MAD1L1: variants seen among roughly 807,000 people sequenced by gnomAD.
MAD1L1 encodes mitotic spindle assembly checkpoint protein MAD1.
In MAD1L1, 95 loss-of-function variants were observed where a neutral mutation model predicts 96.9. The observed-to-expected ratio is 0.98, with a 90% CI of 0.83 to 1.16. The LOEUF (loss-of-function observed/expected upper bound fraction) is 1.16, where lower values mean the gene tolerates loss of function less well. MAD1L1 is among the 50% of genes most tolerant of loss of function. MAD1L1 has a pLI of 0.00. For missense variants in MAD1L1, 1,007 were observed against 954.4 expected (o/e 1.06, Z -0.73); for synonymous variants, 473 against 396.6 (o/e 1.19, Z -2.29).
chr7:1,933,560 T>G (rs989371453), intron 17 of MAD1L1, among the ~76,000 whole-genome samples: 2 of 152,204 alleles, frequency 1.3e-5, no homozygotes, highest in Non-Finnish European at 2.9e-5. Context: ...GCGTGGTCTG[T>G]AGGGCTGCCT....
At chr7:2,095,595 A>C (rs982418413) in intron 11 of MAD1L1, among the ~76,000 whole-genome samples, 2 of 152,182 alleles carry the variant, frequency 1.3e-5, no homozygotes, top group African/African-American at 4.8e-5. Flanking sequence ...CTGTTGCTAA[A>C]CAGAAAACGC....
intron 12 of MAD1L1, among the ~76,000 whole-genome samples, chr7:2,031,094 T>A (rs529121701): frequency 6.6e-6 from 1 of 152,328 alleles, no homozygotes; most frequent in East Asian, 1.9e-4. Flanking sequence ...AGCAGCCAGC[T>A]GTGCATTCTC....
chr7:2,188,380 C>T (rs780342957), intron 10 of MAD1L1, among the ~76,000 whole-genome samples: 10 of 152,180 alleles, frequency 6.6e-5, no homozygotes, highest in Non-Finnish European at 1.0e-4. Flanking sequence ...AAAGGTCCCT[C>T]GCCAAAGCAA....
intron 11 of MAD1L1, among the ~76,000 whole-genome samples, chr7:2,075,956 T>C (rs545574643): frequency 9.2e-5 from 14 of 152,152 alleles, no homozygotes; most frequent in Non-Finnish European, 1.9e-4. Context: ...ACCATGGGGC[T>C]CTGGAGCACA....
intron 18 of MAD1L1, among the ~76,000 whole-genome samples, chr7:1,875,076 C>A (rs1311824812): frequency 6.6e-6 from 1 of 152,140 alleles, no homozygotes; most frequent in Non-Finnish European, 1.5e-5. Flanking sequence ...GGGACCCAGG[C>A]CCAGTCCCAA....
chr7:1,878,248 G>A (rs896487419), intron 18 of MAD1L1, among the ~76,000 whole-genome samples: 2 of 151,702 alleles, frequency 1.3e-5, no homozygotes, highest in Non-Finnish European at 2.9e-5. Context: ...GATATTTAGG[G>A]AAGAAATATC....
intron 11 of MAD1L1, among the ~76,000 whole-genome samples, chr7:2,082,951 T>C (rs1785727275): frequency 6.6e-6 from 1 of 152,220 alleles, no homozygotes; most frequent in African/African-American, 2.4e-5. Context: ...CCGTTAGGTG[T>C]GGCACCTTCA....
chr7:2,182,330 A>G (rs1172252101), intron 10 of MAD1L1, among the ~76,000 whole-genome samples: 3 of 152,146 alleles, frequency 2.0e-5, no homozygotes. Flanking sequence ...AACCATAAGA[A>G]AAAAGACATC....
intron 17 of MAD1L1, among the ~76,000 whole-genome samples, chr7:1,912,622 G>C (rs1788093634): frequency 6.6e-6 from 1 of 152,110 alleles, no homozygotes; most frequent in Non-Finnish European, 1.5e-5. Context: ...ACGGTCCTCA[G>C]AGCACTCCCC....
At chr7:2,200,803 C>A (rs998208823) in intron 10 of MAD1L1, among the ~76,000 whole-genome samples, 1 of 152,224 alleles carries the variant, frequency 6.6e-6, no homozygotes, top group Admixed American at 6.5e-5. Context: ...GTCCACCCTT[C>A]GGCCCAGCCT....
chr7:2,079,155 A>G (rs1785515562), intron 11 of MAD1L1, among the ~76,000 whole-genome samples: 1 of 152,176 alleles, frequency 6.6e-6, no homozygotes, highest in African/African-American at 2.4e-5. Flanking sequence ...GGGCAGCCGC[A>G]CTCAGTGGCA....
intron 16 of MAD1L1, 87 bp downstream of exon 16, chr7:1,957,542 G>C (rs1779777815): frequency 7.7e-7 from 1 of 1,302,958 alleles, no homozygotes; most frequent in Non-Finnish European, 1.1e-6. Flanking sequence ...CGGGTGTTCT[G>C]TGGCAGCAGG....
In MAD1L1 at chr7:2,119,989, C is replaced by A. The variant is rs1436881828; in HGVS notation, c.1073+29163G>T. Among the ~76,000 whole-genome samples, 1 of 152,232 alleles carries A rather than the reference C, an allele frequency of 6.6e-6. No individual in the cohort carries two copies. The highest frequency in any genetic ancestry group is 6.5e-5 in the Admixed American group (1 of 15,292). On this transcript the variant is annotated intron_variant, in intron 11 of 18. Transcript: ENST00000265854. The surrounding 1 kb of genome is among the most constrained non-coding windows in gnomAD (Gnocchi z 4.6). ...GCCCAAGGCATCCCTAGCAATGCCC[C>A]AGGTGGAGGAGCCCCAGTTCATGCT...
At chr7:2,049,220 G>C (rs1317141224) in intron 12 of MAD1L1, among the ~76,000 whole-genome samples, 2 of 152,218 alleles carry the variant, frequency 1.3e-5, no homozygotes, top group African/African-American at 4.8e-5. Flanking sequence ...AGGCACAAGT[G>C]AGAGAGTGAC....
intron 11 of MAD1L1, among the ~76,000 whole-genome samples, chr7:2,111,371 C>G (rs1329010013): frequency 6.6e-6 from 1 of 152,248 alleles, no homozygotes; most frequent in African/African-American, 2.4e-5. Context: ...GCTTTCGAGA[C>G]CGTGGCTGCT....
At chr7:1,922,427 AT>A (rs925156688) in intron 17 of MAD1L1, among the ~76,000 whole-genome samples, 1 of 152,226 alleles carries the variant, frequency 6.6e-6, no homozygotes, top group Admixed American at 6.5e-5. Context: ...GTGCACTGCT[AT>A]TGTGTAATAT....
At chr7:1,902,646 T>C (rs563351270) in intron 17 of MAD1L1, among the ~76,000 whole-genome samples, 1 of 150,440 alleles carries the variant, frequency 6.6e-6, no homozygotes, top group South Asian at 2.1e-4. Flanking sequence ...CAGAACCAGG[T>C]CGGCCGGGCT....
intron 17 of MAD1L1, among the ~76,000 whole-genome samples, chr7:1,900,419 G>A (rs1046534746): frequency 1.9e-4 from 29 of 152,164 alleles, no homozygotes; most frequent in African/African-American, 5.3e-4. Flanking sequence ...TTCAGCCCTC[G>A]CCCCAACCTG....
chr7:2,225,553 G>GAA lies in MAD1L1; in HGVS notation c.151-4_151-3insTT, dbSNP rs1392088486. 6.2e-7 allele frequency: 1 copy of GAA among 1,612,988 alleles called. No homozygotes were observed. Among genetic ancestry groups the GAA allele is most frequent in the Non-Finnish European group, 8.5e-7 (1 of 1,180,008 alleles). ...ATCTGCTCTGCTCTTTCCTCCAGCT[G>GAA]AGCAGGTCGCACCCAAAGAAAAACA... is the stretch of plus-strand genomic sequence containing the variant. On this transcript the variant is annotated splice_polypyrimidine_tract_variant and splice_region_variant and intron_variant, in intron 3 of 18. Transcript: ENST00000265854.
Sources: gnomAD v4.1 joint callset for allele counts (sites outside exome capture counted in the v4.1 genomes callset) on GRCh38, gnomAD v4.1.1 for gene constraint, Gnocchi (gnomAD v3.1) non-coding constraint, MANE v1.5 for transcripts, NCBI Gene and HGNC (gene_info 2026-07-23, HGNC 2026-07-21) for gene names.